Variants in LUZP2 observed in about 807,000 individuals in gnomAD.
The protein encoded by LUZP2 is leucine zipper protein 2.
Under a neutral mutation model 51.6 loss-of-function variants are expected in LUZP2, and 52 were observed. That is an observed-to-expected ratio of 1.01 (90% CI 0.81 to 1.27). The LOEUF (loss-of-function observed/expected upper bound fraction) is 1.27, where lower values mean the gene tolerates loss of function less well. Among genes scored for constraint, LUZP2 ranks in the 50% most tolerant of loss-of-function variants. LUZP2 has a pLI of 0.00. For missense variants in LUZP2, 436 were observed against 395.4 expected (o/e 1.10, Z -0.87); for synonymous variants, 154 against 137.3 (o/e 1.12, Z -0.85).
chr11:24,615,048 T>C (rs1453234121), intron 1 of LUZP2, among the ~76,000 whole-genome samples: 1 of 152,032 alleles, frequency 6.6e-6, no homozygotes, highest in Non-Finnish European at 1.5e-5. Flanking sequence ...CAGGTAATTT[T>C]GTTATTAATT....
At chr11:24,595,639 T>C (rs189130925) in intron 1 of LUZP2, among the ~76,000 whole-genome samples, 1 of 152,266 alleles carries the variant, frequency 6.6e-6, no homozygotes, top group African/African-American at 2.4e-5. Flanking sequence ...TGCCTCCCCA[T>C]AGCCAGTTAC....
intron 8 of LUZP2, among the ~76,000 whole-genome samples, chr11:24,981,724 G>A (rs1295033433): frequency 6.6e-6 from 1 of 151,798 alleles, no homozygotes. Flanking sequence ...AGGCTAATCT[G>A]AGAAACACAA....
intron 1 of LUZP2, among the ~76,000 whole-genome samples, chr11:24,717,643 C>T (rs190921814): frequency 0.024 from 3,587 of 151,734 alleles, 133 homozygotes; most frequent in African/African-American, 0.078. Context: ...TCTCGATCTC[C>T]TGACCTCGTG....
At chr11:24,927,820 C>T (rs1420551197) in intron 7 of LUZP2, among the ~76,000 whole-genome samples, 3 of 151,852 alleles carry the variant, frequency 2.0e-5, no homozygotes, top group Non-Finnish European at 4.4e-5. Flanking sequence ...TTGTAAGTGG[C>T]TTTTGGTGGT....
intron 3 of LUZP2, among the ~76,000 whole-genome samples, chr11:24,734,344 T>C (rs2716449): frequency 0.79 from 119,059 of 151,550 alleles, 47,116 homozygotes; most frequent in Admixed American, 0.87. Context: ...CTGATTCACA[T>C]GACACCAAAA....
intron 6 of LUZP2, among the ~76,000 whole-genome samples, chr11:24,913,850 A>G (rs929244310): frequency 1.3e-5 from 2 of 152,140 alleles, no homozygotes; most frequent in Non-Finnish European, 2.9e-5. Context: ...AAAATTCAAA[A>G]TACATGATCA....
chr11:24,534,375 G>A (rs1851105308), intron 1 of LUZP2, among the ~76,000 whole-genome samples: 1 of 150,906 alleles, frequency 6.6e-6, no homozygotes, highest in South Asian at 2.1e-4. Context: ...ACATATAGAA[G>A]ATGACATATA....
At chr11:24,999,395 G>A (rs547948541) in intron 9 of LUZP2, among the ~76,000 whole-genome samples, 16 of 131,942 alleles carry the variant, frequency 1.2e-4, no homozygotes, top group Non-Finnish European at 2.3e-4. Flanking sequence ...AGGAAGATGG[G>A]GAGGAGGAGG....
At chr11:24,867,458 G>T (rs1851933991) in intron 5 of LUZP2, among the ~76,000 whole-genome samples, 1 of 151,878 alleles carries the variant, frequency 6.6e-6, no homozygotes, top group African/African-American at 2.4e-5. Context: ...TATTGATCAC[G>T]CTCTGCCTCT....
intron 1 of LUZP2, among the ~76,000 whole-genome samples, chr11:24,723,973 T>C (rs747966230): frequency 2.6e-5 from 4 of 152,228 alleles, no homozygotes; most frequent in Non-Finnish European, 4.4e-5. Flanking sequence ...TGTGTATTAA[T>C]TTCAAACATA....
chr11:24,534,230 A>AT (rs1215207188), intron 1 of LUZP2, among the ~76,000 whole-genome samples: 1 of 137,510 alleles, frequency 7.3e-6, no homozygotes, highest in African/African-American at 3.1e-5. Context: ...CACTTCTGAG[A>AT]TTAAAAAAAA....
intron 1 of LUZP2, among the ~76,000 whole-genome samples, chr11:24,528,620 T>C (rs1024304064): frequency 1.3e-5 from 2 of 151,256 alleles, no homozygotes; most frequent in African/African-American, 2.4e-5. Context: ...CACTCTTCAT[T>C]AATCCTCATC....
At chr11:24,563,809 CTCTTCATTTTATA>C (rs1341501121) in intron 1 of LUZP2, among the ~76,000 whole-genome samples, 1 of 151,832 alleles carries the variant, frequency 6.6e-6, no homozygotes, top group African/African-American at 2.4e-5. Context: ...TATAATTTTG[CTCTTCATTTTATA>C]TCTTCATTTT....
intron 5 of LUZP2, among the ~76,000 whole-genome samples, chr11:24,865,722 ATATATGTGTG>A (rs1565016062): frequency 1.9e-5 from 1 of 51,314 alleles, no homozygotes; most frequent in East Asian, 5.9e-4. Context: ...ATATATATAT[ATATATGTGTG>A]TGTGTGTGTG....
chr11:24,566,570 C>CACATATATATGTATGTGTATATATATG (rs1564994985), intron 1 of LUZP2, among the ~76,000 whole-genome samples: 21 of 142,194 alleles, frequency 1.5e-4, no homozygotes, highest in African/African-American at 2.9e-4. Context: ...GTATATATAT[C>CACATATATATGTATGTGTATATATATG]TATACACATA....
At chr11:24,859,131 A>G (rs1215361144) in intron 5 of LUZP2, among the ~76,000 whole-genome samples, 1 of 152,252 alleles carries the variant, frequency 6.6e-6, no homozygotes, top group Non-Finnish European at 1.5e-5. Context: ...AATATAAGTT[A>G]TGTGACAATA....
chr11:24,519,981 T>C (rs1316645048), intron 1 of LUZP2, among the ~76,000 whole-genome samples: 1 of 152,246 alleles, frequency 6.6e-6, no homozygotes, highest in Non-Finnish European at 1.5e-5. Flanking sequence ...TTATTAATGA[T>C]TTATTTTCAT....
intron 9 of LUZP2, among the ~76,000 whole-genome samples, chr11:25,009,634 T>C (rs1856929859): frequency 1.3e-5 from 2 of 152,182 alleles, no homozygotes; most frequent in African/African-American, 4.8e-5. Context: ...TATTATTTTT[T>C]AAAAACTTTC....
intron 5 of LUZP2, among the ~76,000 whole-genome samples, chr11:24,848,915 G>A (rs1322348846): frequency 6.6e-6 from 1 of 152,006 alleles, no homozygotes; most frequent in Non-Finnish European, 1.5e-5. Flanking sequence ...TCAAAAACTA[G>A]GCACAGAAAG....
Sources: gnomAD v4.1 joint callset for allele counts (sites outside exome capture counted in the v4.1 genomes callset) on GRCh38, gnomAD v4.1.1 for gene constraint, MANE v1.5 for transcripts, NCBI Gene and HGNC (gene_info 2026-07-23, HGNC 2026-07-21) for gene names.